The following HECW1 variants were observed in gnomAD, a reference collection of about 807,000 sequenced individuals.
HECW1 encodes the protein HECT, C2 and WW domain containing E3 ubiquitin protein ligase 1.
HECW1 carries 61 observed loss-of-function variants against 182.3 expected under a neutral mutation model. That is an observed-to-expected ratio of 0.33 (90% CI 0.27 to 0.41). The LOEUF is 0.41. Ranked by LOEUF, HECW1 falls within the 10% of genes least tolerant of loss-of-function variation. HECW1 has a pLI of 1.00. For missense variants in HECW1, 1,739 were observed against 2,108.9 expected (o/e 0.82, Z 3.44); for synonymous variants, 859 against 832.6 (o/e 1.03, Z -0.55).
intron 25 of HECW1, 28 bp downstream of exon 25, chr7:43,541,289 A>C: frequency 6.4e-7 from 1 of 1,559,382 alleles, no homozygotes; most frequent in Non-Finnish European, 8.8e-7. Flanking sequence ...CATGCTTCCA[A>C]CCCAGCCCTG....
chr7:43,461,674 C>A (rs1432644039), intron 13 of HECW1, among the ~76,000 whole-genome samples: 2 of 152,162 alleles, frequency 1.3e-5, no homozygotes, highest in Non-Finnish European at 2.9e-5. Context: ...CTCTTCATAA[C>A]CTCCCACCAC....
chr7:43,204,857 G>A (rs571290089), intron 2 of HECW1, among the ~76,000 whole-genome samples: 31 of 152,144 alleles, frequency 2.0e-4, no homozygotes, highest in Non-Finnish European at 4.1e-4. Context: ...GCCCCGCAAA[G>A]TTTGGATCTT....
At chr7:43,448,900 G>C (rs1364164134) in intron 11 of HECW1, among the ~76,000 whole-genome samples, 1 of 152,178 alleles carries the variant, frequency 6.6e-6, no homozygotes, top group Non-Finnish European at 1.5e-5. Flanking sequence ...TTGAGGCAAG[G>C]GTGATGATGT....
At chr7:43,240,469 G>A (rs1562719938) in intron 2 of HECW1, among the ~76,000 whole-genome samples, 2 of 152,204 alleles carry the variant, frequency 1.3e-5, no homozygotes, top group African/African-American at 2.4e-5. Context: ...AATGAAAGAG[G>A]AGGGAAGCAA....
chr7:43,533,789 A>C (rs904921669), intron 24 of HECW1, among the ~76,000 whole-genome samples: 2 of 152,078 alleles, frequency 1.3e-5, no homozygotes, highest in African/African-American at 2.4e-5. Context: ...TGCCCAGTAC[A>C]CCATGTGATC....
intron 6 of HECW1, among the ~76,000 whole-genome samples, chr7:43,387,397 G>A (rs2074843830): frequency 6.6e-6 from 1 of 152,202 alleles, no homozygotes; most frequent in African/African-American, 2.4e-5. Flanking sequence ...GGTTCCTCAA[G>A]TTTGAAGGAG....
Position 43,274,541 on chromosome 7 carries a change from G to A in HECW1, c.27+30609G>A, listed in dbSNP as rs561233747. The A allele has an allele frequency of 5.6e-4, 314 of 560,996 alleles. 2 individuals are homozygous for A. Among genetic ancestry groups the A allele is most frequent in the South Asian group, 4.6e-3 (293 of 63,742 alleles). The allele number at this position is 560,996 out of a possible 1,614,324, so 34.8% of individuals were successfully genotyped here. A position where few individuals can be genotyped will look rare whatever the true frequency, so the allele number is the denominator to read the frequency against. ...GAGATCGCAGCCAACAAGTGCCGCCGGGCCACGCTTCACCACCAAGAGGCC... is the reference window on the plus strand; with the variant it reads ...GAGATCGCAGCCAACAAGTGCCGCCAGGCCACGCTTCACCACCAAGAGGCC... On this transcript the variant is annotated intron_variant, in intron 3 of 29. Transcript: ENST00000395891.
chr7:43,504,323 ACCT>A (rs542823053), intron 21 of HECW1, among the ~76,000 whole-genome samples: 110 of 151,864 alleles, frequency 7.2e-4, no homozygotes, highest in African/African-American at 2.6e-3. Context: ...GCTAATTCAA[ACCT>A]CCTCTTCTCT....
chr7:43,304,809 C>G (rs1022553421), intron 3 of HECW1, among the ~76,000 whole-genome samples: 1 of 152,174 alleles, frequency 6.6e-6, no homozygotes, highest in Non-Finnish European at 1.5e-5. Flanking sequence ...AAAGTATTTA[C>G]TGAGCATCAT....
chr7:43,274,493 G>T, intron 3 of HECW1: 1 of 613,506 alleles, frequency 1.6e-6, no homozygotes, highest in South Asian at 1.6e-5. Flanking sequence ...CAGGCCCACT[G>T]CATCCAGATC....
intron 3 of HECW1, among the ~76,000 whole-genome samples, chr7:43,309,837 A>G (rs2152770932): frequency 1.3e-5 from 2 of 152,354 alleles, no homozygotes; most frequent in South Asian, 4.1e-4. Flanking sequence ...AGCCTGGCTG[A>G]GTGCCCAGGC....
At chr7:43,364,342 T>C (rs1816346479) in intron 6 of HECW1, among the ~76,000 whole-genome samples, 2 of 152,262 alleles carry the variant, frequency 1.3e-5, no homozygotes, top group Non-Finnish European at 2.9e-5. Flanking sequence ...TGTCTTCTAC[T>C]CTTGTCTTTC....
At chr7:43,559,326 A>G (rs552259898) in intron 29 of HECW1, among the ~76,000 whole-genome samples, 4 of 151,700 alleles carry the variant, frequency 2.6e-5, no homozygotes, top group Non-Finnish European at 4.4e-5. Flanking sequence ...CAAAACATCC[A>G]TCGCACCAAG....
chr7:43,392,957 G>A (rs1472228411), intron 6 of HECW1, among the ~76,000 whole-genome samples: 1 of 152,070 alleles, frequency 6.6e-6, no homozygotes, highest in Non-Finnish European at 1.5e-5. Flanking sequence ...TTTTCAAAAG[G>A]CAATTGTAGA....
chr7:43,201,924 C>T (rs181662697), intron 2 of HECW1, among the ~76,000 whole-genome samples: 356 of 152,302 alleles, frequency 2.3e-3, no homozygotes, highest in African/African-American at 8.1e-3. Flanking sequence ...GTATGACTTA[C>T]GACTCTGGGG....
intron 6 of HECW1, among the ~76,000 whole-genome samples, chr7:43,389,575 C>A (rs2074936629): frequency 6.6e-6 from 1 of 152,332 alleles, no homozygotes; most frequent in South Asian, 2.1e-4. Context: ...CTAGCATTTT[C>A]ATTTGCACAG....
chr7:43,283,123 C>T (rs1331280158), intron 3 of HECW1, among the ~76,000 whole-genome samples: 1 of 137,896 alleles, frequency 7.3e-6, no homozygotes, highest in South Asian at 2.3e-4. Context: ...AGACTATCTC[C>T]AAAAAAAAAA....
intron 26 of HECW1, among the ~76,000 whole-genome samples, chr7:43,546,163 T>C (rs1196770532): frequency 2.6e-5 from 4 of 151,778 alleles, no homozygotes; most frequent in Non-Finnish European, 5.9e-5. Context: ...TGGCGTGGTG[T>C]CTGTCAGCTC....
At chr7:43,456,152 G>T (rs1433424216) in intron 12 of HECW1, 145 bp from the exon 13 acceptor site, 14 of 638,196 alleles carry the variant, frequency 2.2e-5, no homozygotes, top group Admixed American at 3.4e-5. Flanking sequence ...AGAAGTCGTG[G>T]TGGCAGGTGC....
Sources: gnomAD v4.1 joint callset for allele counts (sites outside exome capture counted in the v4.1 genomes callset) on GRCh38, gnomAD v4.1.1 for gene constraint, MANE v1.5 for transcripts, NCBI Gene and HGNC (gene_info 2026-07-23, HGNC 2026-07-21) for gene names.